Variants in MYO1E observed in about 807,000 individuals in gnomAD.
MYO1E encodes unconventional myosin-Ie.
MYO1E carries 68 observed loss-of-function variants against 151.1 expected under a neutral mutation model. That is an observed-to-expected ratio of 0.45 (90% CI 0.37 to 0.55). The LOEUF (loss-of-function observed/expected upper bound fraction) is 0.55. MYO1E is among the 20% of genes least tolerant of loss of function. The probability of loss-of-function intolerance (pLI) is 0.00; values close to 1 mark genes in which losing one functional copy is unlikely to be tolerated. For missense variants in MYO1E, 1,363 were observed against 1,389.3 expected, an observed-to-expected ratio of 0.98 and a Z score of 0.30; for synonymous variants, 601 against 501.7, an observed-to-expected ratio of 1.20 and a Z score of -2.64.
At chr15:59,299,551 T>C (rs2080470192) in intron 1 of MYO1E, among the ~76,000 whole-genome samples, 1 of 152,248 alleles carries the variant, frequency 6.6e-6, no homozygotes, top group Admixed American at 6.5e-5. Flanking sequence ...AGTCTGCATT[T>C]ATAGTTCCAC....
At position 59,208,703 on chromosome 15, in the gene MYO1E, A is replaced by C. The variant is rs1164606928; in HGVS notation, c.1508T>G (p.Ile503Ser). The change falls in exon 14 of 28, where the codon ATC (isoleucine) becomes AGC (serine). Residue 503 changes from isoleucine (I) to serine (S), a missense_variant. Ile to Ser is a moderately radical substitution (Grantham distance 142). Transcript: ENST00000288235. The stretch of plus-strand genomic sequence containing the variant: ...TACCTTCCCAGCATAATGATGAATG[A>C]TGAAGCCTTGGTTCCAACTGTTGAA... ...EHFNSWNQGF[I>S]IHHYAGKVSY... 2 of 1,614,242 alleles carry C rather than the reference A, an allele frequency of 1.2e-6. No homozygotes were observed. The highest frequency in any genetic ancestry group is 1.7e-6 in the Non-Finnish European group (2 of 1,180,032).
At position 59,183,246 on chromosome 15, in the gene MYO1E, G is replaced by A. The variant is rs1334716392; in HGVS notation, c.1905-4709C>T. 9.2e-5 allele frequency among the ~76,000 whole-genome samples: 14 copies of A among 152,050 alleles called. No homozygotes were observed. In the East Asian group the frequency reaches 2.7e-3, roughly 29 times the overall value. On this transcript the variant is annotated intron_variant, in intron 18 of 27. Transcript: ENST00000288235. ...TTTATGGAAGTCAGTTTGGTTGGTT[G>A]GTTGGTTTTTAAAACAAGGTAGAAG...
intron 22 of MYO1E, among the ~76,000 whole-genome samples, chr15:59,169,963 G>A (rs1200564153): frequency 6.6e-6 from 1 of 152,056 alleles, no homozygotes; most frequent in Non-Finnish European, 1.5e-5. Flanking sequence ...AGTTCAAGAC[G>A]AGCCTGGCCA....
intron 5 of MYO1E, among the ~76,000 whole-genome samples, chr15:59,232,376 A>T (rs1377983828): frequency 3.9e-5 from 6 of 152,216 alleles, no homozygotes; most frequent in Non-Finnish European, 8.8e-5. Flanking sequence ...AAGAATCTGC[A>T]TTTGTAGCCA....
chr15:59,249,868 G>T (rs1386883522), intron 4 of MYO1E, among the ~76,000 whole-genome samples: 1 of 152,152 alleles, frequency 6.6e-6, no homozygotes, highest in African/African-American at 2.4e-5. Context: ...AGTGTCAGGG[G>T]CTACAAACTT....
intron 4 of MYO1E, among the ~76,000 whole-genome samples, chr15:59,243,768 T>C (rs1005223243): frequency 6.6e-6 from 1 of 151,628 alleles, no homozygotes; most frequent in East Asian, 1.9e-4. Flanking sequence ...TCACGCAGAG[T>C]TGGAACTAAC....
chr15:59,259,527 C>G (rs1254868050), intron 3 of MYO1E, among the ~76,000 whole-genome samples: 5 of 152,138 alleles, frequency 3.3e-5, no homozygotes, highest in Non-Finnish European at 7.3e-5. Flanking sequence ...TCTCAGTTAC[C>G]CTCATTTTGG....
At chr15:59,158,720 T>C (rs2242324) in intron 24 of MYO1E, among the ~76,000 whole-genome samples, 32,839 of 152,216 alleles carry the variant, frequency 0.22, 4,210 homozygotes, top group African/African-American at 0.36. Flanking sequence ...ATGTTCTAAA[T>C]GCTAAGTGGC....
chr15:59,234,065 C>A (rs563587630), intron 5 of MYO1E, among the ~76,000 whole-genome samples: 2 of 152,254 alleles, frequency 1.3e-5, no homozygotes, highest in South Asian at 4.1e-4. Flanking sequence ...CATCTTTCTA[C>A]TGCACAGAGC....
At chr15:59,342,904 ACT>A (rs1272331944) in intron 1 of MYO1E, among the ~76,000 whole-genome samples, 1 of 151,500 alleles carries the variant, frequency 6.6e-6, no homozygotes, top group East Asian at 1.9e-4. Context: ...ACCAATAAAA[ACT>A]CTATAATTTT....
rs34810328 is a variant in MYO1E at position 59,362,976 on chromosome 15, C to CTTTTT, written c.3+9517_3+9521dup. Among the ~76,000 whole-genome samples the CTTTTT allele has an allele frequency of 1.2e-4, 15 of 127,594 alleles. 1 individual carries two copies. Among genetic ancestry groups the CTTTTT allele is most frequent in the Non-Finnish European group, 1.9e-4 (12 of 63,448 alleles). 83.7% of individuals were successfully genotyped at this position (127,594 alleles called of 152,430 possible). Reference sequence around the variant, plus strand: ...TTAGAGAGCCTTCTAGTATGACTTTCTTTTTTTTTTTTTTTTTGAGACGGA... The same window carrying CTTTTT: ...TTAGAGAGCCTTCTAGTATGACTTTCTTTTTTTTTTTTTTTTTTTTTTGAGACGGA... On this transcript the variant is annotated intron_variant, in intron 1 of 27. Coordinates refer to ENST00000288235, the MANE Select transcript of MYO1E (RefSeq NM_004998.4).
chr15:59,278,664 G>A (rs1389653890), intron 1 of MYO1E, among the ~76,000 whole-genome samples: 1 of 152,158 alleles, frequency 6.6e-6, no homozygotes, highest in Non-Finnish European at 1.5e-5. Context: ...AAGCAAGTAT[G>A]TGTGTGCTGG....
At chr15:59,248,400 C>G (rs34827755) in intron 4 of MYO1E, among the ~76,000 whole-genome samples, 2 of 146,656 alleles carry the variant, frequency 1.4e-5, no homozygotes, top group East Asian at 2.0e-4. Flanking sequence ...GCAGGAGAAT[C>G]GCTTGAACCC....
chr15:59,231,695 G>C lies in MYO1E; in HGVS notation c.510+7C>G, dbSNP rs768421271. On this transcript the variant is annotated splice_region_variant and intron_variant, in intron 6 of 27. Coordinates refer to ENST00000288235, the MANE Select transcript of MYO1E (RefSeq NM_004998.4). ...GCGACACTCTCTGAAACAGGGAAGG[G>C]ACTTACAAATCGGCTGGAGTTGTTG... 22 of 1,613,474 alleles carry C rather than the reference G, an allele frequency of 1.4e-5. No individual in the cohort carries two copies. Among genetic ancestry groups the C allele is most frequent in the Non-Finnish European group, 1.9e-5 (22 of 1,179,390 alleles).
intron 19 of MYO1E, among the ~76,000 whole-genome samples, chr15:59,177,197 A>C (rs1159112394): frequency 6.6e-6 from 1 of 152,228 alleles, no homozygotes; most frequent in Admixed American, 6.5e-5. Flanking sequence ...TTTGGAAATG[A>C]AAATTCTTGT....
At chr15:59,236,716 G>A (rs748561284) in intron 4 of MYO1E, 44 bp from the exon 5 acceptor site, 8 of 1,465,320 alleles carry the variant, frequency 5.5e-6, no homozygotes, top group African/African-American at 2.8e-5. Flanking sequence ...AGTGGATTGC[G>A]ACCAGCTCCC....
intron 1 of MYO1E, among the ~76,000 whole-genome samples, chr15:59,273,355 T>A (rs1391346933): frequency 6.8e-6 from 1 of 146,292 alleles, no homozygotes; most frequent in Non-Finnish European, 1.5e-5. Flanking sequence ...CTTAAAGTCC[T>A]ATGAAGACAC....
chr15:59,222,588 T>G (rs764353036), intron 9 of MYO1E, among the ~76,000 whole-genome samples: 1 of 152,188 alleles, frequency 6.6e-6, no homozygotes, highest in African/African-American at 2.4e-5. Context: ...ATCCAATCCA[T>G]GGAACAAACT....
At chr15:59,245,073 C>T (rs1241012897) in intron 4 of MYO1E, among the ~76,000 whole-genome samples, 1 of 152,188 alleles carries the variant, frequency 6.6e-6, no homozygotes, top group Non-Finnish European at 1.5e-5. Flanking sequence ...CTCCCAAAGC[C>T]AGGCCAGGGG....
Sources: allele counts gnomAD v4.1 joint callset (sites outside exome capture counted in the v4.1 genomes callset), GRCh38; gene constraint gnomAD v4.1.1; transcripts MANE v1.5; gene names NCBI Gene and HGNC (gene_info 2026-07-23, HGNC 2026-07-21).